Variants in UTY observed in about 807,000 individuals in gnomAD.
UTY encodes histone demethylase UTY.
A neutral mutation model predicts 32.5 loss-of-function variants in UTY; 12 were observed. The observed-to-expected ratio is 0.37, with a 90% CI of 0.24 to 0.60. The LOEUF (loss-of-function observed/expected upper bound fraction) is 0.60, where lower values mean the gene tolerates loss of function less well. Ranked by LOEUF, UTY falls within the 20% of genes least tolerant of loss-of-function variation. The pLI is 0.69. For synonymous variants in UTY, 131 were observed against 103.4 expected, an observed-to-expected ratio of 1.27 and a Z score of -1.62; for missense variants, 303 against 299.2, an observed-to-expected ratio of 1.01 and a Z score of -0.09.
chrY:13,306,544 C>A, intron 21 of UTY, among the ~76,000 whole-genome samples: 1 of 32,841 alleles, frequency 3.0e-5, no homozygotes, highest in Non-Finnish European at 7.5e-5. Context: ...TTACTTTGGA[C>A]CAAGGAATTT....
intron 17 of UTY, among the ~76,000 whole-genome samples, chrY:13,353,471 G>A: frequency 2.9e-5 from 1 of 34,164 alleles, no homozygotes; most frequent in Non-Finnish European, 7.3e-5. Context: ...TGTAAAAAGA[G>A]ATTAAATTTG....
At chrY:13,286,788 G>C in intron 27 of UTY, 2 of 357,622 alleles carry the variant, frequency 5.6e-6, no homozygotes, top group African/African-American at 1.3e-4. Flanking sequence ...TGTAGTAATT[G>C]TCCCACAGAA....
At chrY:13,420,688 T>C in intron 4 of UTY, among the ~76,000 whole-genome samples, 1 of 32,723 alleles carries the variant, frequency 3.1e-5, no homozygotes, top group East Asian at 7.9e-4. Context: ...GCTAGCCATA[T>C]GCAGAAAGCT....
chrY:13,264,525 G>C, intron 27 of UTY, among the ~76,000 whole-genome samples: 1 of 33,791 alleles, frequency 3.0e-5, no homozygotes, highest in East Asian at 7.7e-4. Context: ...CTAATGATCA[G>C]TGATGATAAG....
At chrY:13,326,077 G>C in intron 19 of UTY, 144 bp downstream of exon 19, 1 of 195,769 alleles carries the variant, frequency 5.1e-6, no homozygotes, top group Non-Finnish European at 8.0e-6. Flanking sequence ...ATATAAACAT[G>C]TTCTTCTGAA....
At chrY:13,253,033 G>A (rs2054357317) in intron 28 of UTY, among the ~76,000 whole-genome samples, 3 of 32,930 alleles carry the variant, frequency 9.1e-5, no homozygotes, top group Admixed American at 2.7e-4. Context: ...AGCTGGTCTC[G>A]GCAAGTGGTG....
At chrY:13,284,037 C>T (rs2057199914) in intron 27 of UTY, among the ~76,000 whole-genome samples, 1 of 31,178 alleles carries the variant, frequency 3.2e-5, no homozygotes, top group Non-Finnish European at 7.7e-5. Flanking sequence ...ATTCTTGTCC[C>T]GAAATAAATT....
intron 8 of UTY, among the ~76,000 whole-genome samples, chrY:13,375,437 G>C: frequency 5.9e-5 from 2 of 33,632 alleles, no homozygotes; most frequent in East Asian, 1.5e-3. Flanking sequence ...TCCAACAATA[G>C]AGCAGCATGC....
intron 8 of UTY, among the ~76,000 whole-genome samples, chrY:13,370,096 C>T (rs2064739335): frequency 3.0e-5 from 1 of 33,864 alleles, no homozygotes; most frequent in Non-Finnish European, 7.4e-5. Flanking sequence ...ATTTGCACAG[C>T]TCTACCTCAC....
chrY:13,409,342 T>C, intron 6 of UTY, among the ~76,000 whole-genome samples: 1 of 33,782 alleles, frequency 3.0e-5, no homozygotes, highest in Non-Finnish European at 7.4e-5. Context: ...TCAGCTCCAC[T>C]TTTTTCTGAG....
At chrY:13,397,635 C>T in intron 6 of UTY, among the ~76,000 whole-genome samples, 1 of 33,233 alleles carries the variant, frequency 3.0e-5, no homozygotes, top group Non-Finnish European at 7.5e-5. Context: ...GGGTGCTAAA[C>T]ATTTTAAATG....
chrY:13,253,470 A>G, intron 28 of UTY, among the ~76,000 whole-genome samples: 2 of 33,238 alleles, frequency 6.0e-5, no homozygotes, highest in Middle Eastern at 0.014. Flanking sequence ...TCTTAGTTCT[A>G]TTCAGGCGGG....
intron 21 of UTY, among the ~76,000 whole-genome samples, chrY:13,321,685 T>C (rs2059851453): frequency 5.9e-5 from 2 of 33,655 alleles, no homozygotes; most frequent in Non-Finnish European, 1.5e-4. Flanking sequence ...GTTCATCTTA[T>C]ATATGTTGAT....
At chrY:13,259,961 T>C (rs113965720) in intron 28 of UTY, among the ~76,000 whole-genome samples, 3 of 33,868 alleles carry the variant, frequency 8.9e-5, no homozygotes, top group African/African-American at 2.3e-4. Context: ...TGCCTGAATA[T>C]TGAATTAAAT....
At chrY:13,300,840 C>G in intron 25 of UTY, among the ~76,000 whole-genome samples, 1 of 32,096 alleles carries the variant, frequency 3.1e-5, no homozygotes, top group Non-Finnish European at 7.6e-5. Context: ...TTGCTTTTGA[C>G]TTTAGCAGAG....
intron 21 of UTY, among the ~76,000 whole-genome samples, chrY:13,310,442 T>C: frequency 3.0e-5 from 1 of 32,967 alleles, no homozygotes; most frequent in South Asian, 6.6e-4. Context: ...ATTAACAACA[T>C]ATTAAAATCA....
intron 27 of UTY, among the ~76,000 whole-genome samples, chrY:13,279,282 A>G: frequency 3.0e-5 from 1 of 33,216 alleles, no homozygotes; most frequent in East Asian, 7.9e-4. Context: ...GGAGTTTCAC[A>G]CTGTTGCCTG....
chrY:13,355,070 T>C lies in UTY; in HGVS notation c.1994A>G (p.His665Arg). 2.5e-6 allele frequency: 1 copy of C among 398,779 alleles called. No individual in the cohort carries two copies. The highest frequency in any genetic ancestry group is 3.5e-6 in the Non-Finnish European group (1 of 283,572). ...GCTGCTGTTCAGGTCTGTATGATTATGAGGTAGAGTGTGTGTATTTTGCTG... is the reference window on the plus strand; with the variant it reads ...GCTGCTGTTCAGGTCTGTATGATTACGAGGTAGAGTGTGTGTATTTTGCTG... ...YLQQNTHTLPHNHTDLNSSTE... is the reference protein window; with the variant it reads ...YLQQNTHTLPRNHTDLNSSTE... Residue 665 changes from histidine to arginine, a missense_variant, in exon 17 of 30, where the codon CAT (histidine) becomes CGT (arginine). Physicochemically the swap from His to Arg is conservative, Grantham distance 29. Coordinates refer to ENST00000545955, the MANE Select transcript of UTY (RefSeq NM_001258249.2).
At chrY:13,357,064 T>C in intron 15 of UTY, among the ~76,000 whole-genome samples, 1 of 32,329 alleles carries the variant, frequency 3.1e-5, no homozygotes, top group Non-Finnish European at 7.5e-5. Flanking sequence ...AATCAAAGAA[T>C]AGAGAAGCAA....
Sources: gnomAD v4.1 joint callset for allele counts (sites outside exome capture counted in the v4.1 genomes callset) on GRCh38, gnomAD v4.1.1 for gene constraint, MANE v1.5 for transcripts, NCBI Gene and HGNC (gene_info 2026-07-23, HGNC 2026-07-21) for gene names.